The following GPC5 variants were observed in gnomAD, a reference collection of about 807,000 sequenced individuals.
The protein encoded by GPC5 is glypican 5, also known as glypican-5.
GPC5 carries 47 observed loss-of-function variants against 53.9 expected under a neutral mutation model. The observed-to-expected ratio is 0.87, with a 90% CI of 0.69 to 1.11. The LOEUF is 1.11. Ranked by LOEUF, GPC5 falls within the 50% of genes most tolerant of loss-of-function variation. The probability of loss-of-function intolerance (pLI) is 0.00; values close to 1 mark genes in which losing one functional copy is unlikely to be tolerated. For missense variants in GPC5, 748 were observed against 713.1 expected, an observed-to-expected ratio of 1.05 and a Z score of -0.56; for synonymous variants, 286 against 263.3, an observed-to-expected ratio of 1.09 and a Z score of -0.84.
chr13:92,402,896 G>T (rs1186331403), intron 7 of GPC5, among the ~76,000 whole-genome samples: 2 of 152,166 alleles, frequency 1.3e-5, no homozygotes, highest in Non-Finnish European at 2.9e-5. Flanking sequence ...TCCACTCAAT[G>T]CAAGTTTTGA....
intron 6 of GPC5, among the ~76,000 whole-genome samples, chr13:92,141,858 G>A (rs9560936): frequency 0.31 from 46,740 of 151,896 alleles, 8,955 homozygotes; most frequent in South Asian, 0.59. Context: ...CTTGCTGGCT[G>A]CAAGGCAGGT....
chr13:91,557,972 C>A (rs548563845), intron 2 of GPC5, among the ~76,000 whole-genome samples: 15 of 152,062 alleles, frequency 9.9e-5, no homozygotes, highest in Non-Finnish European at 1.6e-4. Context: ...GTTTATTAAG[C>A]CTTTTGCAAT....
At chr13:92,127,037 C>G (rs984588067) in intron 6 of GPC5, among the ~76,000 whole-genome samples, 8 of 151,062 alleles carry the variant, frequency 5.3e-5, no homozygotes, top group African/African-American at 1.7e-4. Context: ...TTTTTTTTTC[C>G]TAATGGTTAG....
intron 5 of GPC5, among the ~76,000 whole-genome samples, chr13:91,788,900 A>T (rs1245424765): frequency 6.6e-6 from 1 of 152,172 alleles, no homozygotes; most frequent in Non-Finnish European, 1.5e-5. Context: ...TTATTCTATG[A>T]TACAGTGCAG....
intron 2 of GPC5, among the ~76,000 whole-genome samples, chr13:91,610,374 C>T (rs902187717): frequency 1.3e-5 from 2 of 152,114 alleles, no homozygotes; most frequent in Non-Finnish European, 2.9e-5. Flanking sequence ...TATTACCGTA[C>T]ATTTTTCTTC....
intron 5 of GPC5, among the ~76,000 whole-genome samples, chr13:91,901,579 A>G (rs1455116905): frequency 6.6e-6 from 1 of 152,094 alleles, no homozygotes; most frequent in African/African-American, 2.4e-5. Context: ...TTTCCCAAGT[A>G]TTTGAGGAAA....
chr13:92,381,149 A>C (rs1214859271), intron 7 of GPC5, among the ~76,000 whole-genome samples: 1 of 152,154 alleles, frequency 6.6e-6, no homozygotes, highest in Non-Finnish European at 1.5e-5. Context: ...GAAACATTCA[A>C]AATATCAGTT....
intron 6 of GPC5, among the ~76,000 whole-genome samples, chr13:92,099,579 C>T (rs1017314261): frequency 1.4e-4 from 21 of 152,248 alleles, no homozygotes; most frequent in South Asian, 1.2e-3. Context: ...TCCTCTTTAT[C>T]TGGATGTTTA....
chr13:92,186,283 A>G (rs2042183205), intron 7 of GPC5, among the ~76,000 whole-genome samples: 2 of 151,964 alleles, frequency 1.3e-5, no homozygotes, highest in Admixed American at 6.6e-5. Context: ...TGGGCATTTC[A>G]GCTTTGAAAT....
chr13:91,675,522 G>GT (rs1284178965), intron 2 of GPC5, among the ~76,000 whole-genome samples: 1 of 152,192 alleles, frequency 6.6e-6, no homozygotes, highest in Non-Finnish European at 1.5e-5. Flanking sequence ...CTCATGGACT[G>GT]TAAGTATAGT....
chr13:92,505,924 G>A (rs1880350247), intron 7 of GPC5, among the ~76,000 whole-genome samples: 1 of 152,080 alleles, frequency 6.6e-6, no homozygotes. Context: ...CTTCAGTGAT[G>A]GAAAACAGAT....
intron 7 of GPC5, among the ~76,000 whole-genome samples, chr13:92,459,159 C>T (rs1878386484): frequency 6.6e-6 from 1 of 152,144 alleles, no homozygotes; most frequent in Non-Finnish European, 1.5e-5. Flanking sequence ...AGCATCTCCA[C>T]ATCTTATTGA....
chr13:92,280,217 G>A (rs1007670475), intron 7 of GPC5, among the ~76,000 whole-genome samples: 8 of 151,842 alleles, frequency 5.3e-5, no homozygotes, highest in Admixed American at 1.3e-4. Flanking sequence ...TATAATATTC[G>A]TAGTTCTATT....
chr13:91,785,767 C>G (rs933285163), intron 5 of GPC5, among the ~76,000 whole-genome samples: 2 of 152,212 alleles, frequency 1.3e-5, no homozygotes, highest in African/African-American at 2.4e-5. Context: ...AATCCACATT[C>G]AGCCCATCTG....
In GPC5 at chr13:92,166,268, G is replaced by T. The variant is rs139523009; in HGVS notation, c.1561+21279G>T. Among the ~76,000 whole-genome samples, 399 of 152,252 alleles carry T rather than the reference G, an allele frequency of 2.6e-3. 1 individual carries two copies. The highest frequency in any genetic ancestry group is 1.7e-3 in the Non-Finnish European group (118 of 68,014). On this transcript the variant is annotated intron_variant, in intron 7 of 7. Coordinates refer to ENST00000377067, the MANE Select transcript of GPC5 (RefSeq NM_004466.6). ...TAAAGTAATAGGCTTCATGGAGGAA[G>T]TACACTGGAAATACATGAAGTAACA...
rs145432942 is a variant in GPC5 at position 92,738,766 on chromosome 13, T to C, written c.1562-127516T>C. Among the ~76,000 whole-genome samples, 440 of 152,204 alleles carry C rather than the reference T, an allele frequency of 2.9e-3. 3 individuals are homozygous for C. The highest frequency in any genetic ancestry group is 0.01 in the African/African-American group (426 of 41,542). On this transcript the variant is annotated intron_variant, in intron 7 of 7. Coordinates refer to ENST00000377067, the MANE Select transcript of GPC5 (RefSeq NM_004466.6). ...AGTATGTTCTGTAGACCAAAAATTC[T>C]GTAGGATTTTCCGTGAAAAAGGTTT...
At chr13:91,640,767 C>T (rs1292891721) in intron 2 of GPC5, among the ~76,000 whole-genome samples, 4 of 151,304 alleles carry the variant, frequency 2.6e-5, no homozygotes, top group Non-Finnish European at 5.9e-5. Flanking sequence ...CCACTGCACT[C>T]CAGCCTGGGT....
At chr13:92,583,328 G>A (rs1883430453) in intron 7 of GPC5, among the ~76,000 whole-genome samples, 1 of 152,164 alleles carries the variant, frequency 6.6e-6, no homozygotes. Flanking sequence ...GCATCCCAGG[G>A]ATAAATCCCA....
At chr13:92,612,638 T>A (rs534876876) in intron 7 of GPC5, among the ~76,000 whole-genome samples, 9 of 152,224 alleles carry the variant, frequency 5.9e-5, no homozygotes, top group East Asian at 5.8e-4. Flanking sequence ...AGGACTCTTA[T>A]GTTGTTCTCA....
Sources: allele counts gnomAD v4.1 joint callset (sites outside exome capture counted in the v4.1 genomes callset), GRCh38; gene constraint gnomAD v4.1.1; transcripts MANE v1.5; gene names NCBI Gene and HGNC (gene_info 2026-07-23, HGNC 2026-07-21).